RAP1GDS1: variants seen among roughly 807,000 people sequenced by gnomAD.
RAP1GDS1 encodes the protein Rap1 GTPase-GDP dissociation stimulator 1.
Under a neutral mutation model 71.1 loss-of-function variants are expected in RAP1GDS1, and 35 were observed. The observed-to-expected ratio is 0.49, with a 90% CI of 0.38 to 0.65. The LOEUF (loss-of-function observed/expected upper bound fraction) is 0.65, where lower values mean the gene tolerates loss of function less well. Ranked by LOEUF, RAP1GDS1 falls within the 30% of genes least tolerant of loss-of-function variation. RAP1GDS1 has a pLI of 0.00. For synonymous variants in RAP1GDS1, 229 were observed against 243.1 expected, an observed-to-expected ratio of 0.94 and a Z score of 0.54; for missense variants, 663 against 706.1, an observed-to-expected ratio of 0.94 and a Z score of 0.69.
At chr4:98,398,219 G>C (rs1324485818) in intron 6 of RAP1GDS1, among the ~76,000 whole-genome samples, 1 of 144,490 alleles carries the variant, frequency 6.9e-6, no homozygotes, top group East Asian at 2.0e-4. Context: ...ATAGTTGTAC[G>C]AGTAAAGGAA....
At chr4:98,324,392 A>C (rs915332311) in intron 2 of RAP1GDS1, among the ~76,000 whole-genome samples, 1 of 152,144 alleles carries the variant, frequency 6.6e-6, no homozygotes, top group Non-Finnish European at 1.5e-5. Flanking sequence ...GCTACCAATG[A>C]CTTTCTTCAC....
chr4:98,335,913 A>G (rs1334892186), intron 2 of RAP1GDS1, among the ~76,000 whole-genome samples: 3 of 151,340 alleles, frequency 2.0e-5, no homozygotes, highest in Admixed American at 1.3e-4. Flanking sequence ...TGGATTACTC[A>G]TTTTCTTAGA....
In RAP1GDS1 at chr4:98,427,233, G is replaced by A. The variant is rs114621653; in HGVS notation, c.1440+5839G>A. Among the ~76,000 whole-genome samples the A allele has an allele frequency of 9.5e-3, 1,445 of 152,106 alleles. 23 individuals are homozygous for A. Among genetic ancestry groups the A allele is most frequent in the African/African-American group, 0.032 (1,328 of 41,528 alleles). On this transcript the variant is annotated intron_variant, in intron 12 of 14. Coordinates refer to ENST00000408927, the MANE Select transcript of RAP1GDS1 (RefSeq NM_001100427.2). Reference sequence around the variant, plus strand: ...GACATACCTCAATATAATAAAAGCCGTCTATGAGAAACTCATATCCAACAT... The same window carrying A: ...GACATACCTCAATATAATAAAAGCCATCTATGAGAAACTCATATCCAACAT...
At chr4:98,305,830 G>A (rs1438552371) in intron 2 of RAP1GDS1, among the ~76,000 whole-genome samples, 1 of 152,132 alleles carries the variant, frequency 6.6e-6, no homozygotes, top group Non-Finnish European at 1.5e-5. Context: ...TACCATTTTT[G>A]CTTCTTAAGT....
intron 5 of RAP1GDS1, among the ~76,000 whole-genome samples, chr4:98,380,836 T>G (rs1241172265): frequency 6.6e-6 from 1 of 151,770 alleles, no homozygotes; most frequent in Non-Finnish European, 1.5e-5. Context: ...ATTCCAGTTT[T>G]GGAAGTAGTA....
chr4:98,402,496 G>GTGAA (rs1185219185), intron 6 of RAP1GDS1, among the ~76,000 whole-genome samples: 1 of 151,806 alleles, frequency 6.6e-6, no homozygotes, highest in Non-Finnish European at 1.5e-5. Context: ...CCCTTGGCAT[G>GTGAA]TGAAGTAAGA....
chr4:98,351,289 AAG>A (rs1451079866), intron 3 of RAP1GDS1, among the ~76,000 whole-genome samples: 2 of 152,206 alleles, frequency 1.3e-5, no homozygotes, highest in Admixed American at 6.5e-5. Flanking sequence ...ATAAGTAAGA[AAG>A]AGATGATAGG....
At chr4:98,396,817 A>T (rs1204679942) in intron 6 of RAP1GDS1, 2 of 152,206 alleles carry the variant, frequency 1.3e-5, no homozygotes, top group Non-Finnish European at 2.9e-5. Flanking sequence ...AAGTGTTTAA[A>T]ATTCATGTCA....
intron 3 of RAP1GDS1, among the ~76,000 whole-genome samples, chr4:98,345,692 A>G (rs910508035): frequency 5.9e-5 from 9 of 152,184 alleles, no homozygotes; most frequent in Non-Finnish European, 8.8e-5. Context: ...CATTATTTCA[A>G]TCCCATATGA....
Position 98,442,272 on chromosome 4 carries a change from A to C in RAP1GDS1, c.*155A>C, listed in dbSNP as rs1751981009. 2 of 1,036,708 alleles carry C rather than the reference A, an allele frequency of 1.9e-6. No homozygotes were observed. The highest frequency in any genetic ancestry group is 2.7e-6 in the Non-Finnish European group (2 of 751,242). 64.2% of individuals were successfully genotyped at this position (1,036,708 alleles called of 1,614,324 possible). A position where few individuals can be genotyped will look rare whatever the true frequency, so the allele number is the denominator to read the frequency against. On this transcript the variant is annotated 3_prime_UTR_variant, in exon 15 of 15. Coordinates refer to ENST00000408927, the MANE Select transcript of RAP1GDS1 (RefSeq NM_001100427.2). ...CCGCTGTAGGTACCTCCCTAATAAG[A>C]TTTCTAAACCTATAGTTAGTGTGAT...
chr4:98,352,761 T>C, intron 4 of RAP1GDS1, among the ~76,000 whole-genome samples, 160 bp downstream of exon 4: 1 of 152,216 alleles, frequency 6.6e-6, no homozygotes, highest in East Asian at 1.9e-4. Flanking sequence ...GAGATTCAGG[T>C]CGTTGTATTC....
intron 9 of RAP1GDS1, 84 bp downstream of exon 9, chr4:98,417,582 A>T: frequency 2.2e-6 from 3 of 1,379,752 alleles, no homozygotes; most frequent in Non-Finnish European, 3.0e-6. Context: ...CTAAAACTGG[A>T]ACAGTTTAGA....
At chr4:98,267,927 C>T (rs1023606790) in intron 1 of RAP1GDS1, among the ~76,000 whole-genome samples, 6 of 152,192 alleles carry the variant, frequency 3.9e-5, no homozygotes, top group South Asian at 2.1e-4. Flanking sequence ...CTCCAAATTG[C>T]GTTCCACAGT....
intron 3 of RAP1GDS1, among the ~76,000 whole-genome samples, chr4:98,348,882 A>G (rs1040096629): frequency 6.6e-6 from 1 of 152,108 alleles, no homozygotes; most frequent in Non-Finnish European, 1.5e-5. Flanking sequence ...TTGTCAGATG[A>G]GTAGATTGCA....
chr4:98,319,651 C>T (rs966581396), intron 2 of RAP1GDS1, among the ~76,000 whole-genome samples: 1 of 151,812 alleles, frequency 6.6e-6, no homozygotes, highest in Admixed American at 6.6e-5. Flanking sequence ...CATGGTGGTG[C>T]ACACCTATAA....
chr4:98,289,175 C>A (rs866180694), intron 1 of RAP1GDS1, among the ~76,000 whole-genome samples: 1 of 151,948 alleles, frequency 6.6e-6, no homozygotes, highest in Non-Finnish European at 1.5e-5. Flanking sequence ...TCACAAAATT[C>A]TAAAATCTTT....
intron 2 of RAP1GDS1, among the ~76,000 whole-genome samples, chr4:98,333,871 TA>T (rs1345956740): frequency 3.9e-5 from 6 of 152,260 alleles, no homozygotes; most frequent in Middle Eastern, 3.4e-3. Context: ...TAAACAGTGT[TA>T]CATTAGTCTT....
At chr4:98,299,071 C>T (rs953154298) in intron 2 of RAP1GDS1, among the ~76,000 whole-genome samples, 1 of 152,150 alleles carries the variant, frequency 6.6e-6, no homozygotes, top group South Asian at 2.1e-4. Flanking sequence ...CCCTACCCTA[C>T]GACAGGCCCT....
At chr4:98,324,848 T>G (rs34986949) in intron 2 of RAP1GDS1, among the ~76,000 whole-genome samples, 42 of 151,488 alleles carry the variant, frequency 2.8e-4, no homozygotes, top group African/African-American at 9.3e-4. Flanking sequence ...TACCATTCAG[T>G]ACATAAGCGT....
Sources: allele counts gnomAD v4.1 joint callset (sites outside exome capture counted in the v4.1 genomes callset), GRCh38; gene constraint gnomAD v4.1.1; transcripts MANE v1.5; gene names NCBI Gene and HGNC (gene_info 2026-07-23, HGNC 2026-07-21).